PVT1: variants seen among roughly 807,000 people sequenced by gnomAD.
The protein encoded by PVT1 is CXCR4/PVT1 fusion.
Position 127,819,144 on chromosome 8 carries a change from C to T in PVT1, n.372+23073C>T, listed in dbSNP as rs563964539. Among the ~76,000 whole-genome samples the T allele has an allele frequency of 3.9e-5, 6 of 152,314 alleles. No individual in the cohort carries two copies. In the East Asian group the frequency reaches 5.8e-4, roughly 15 times the overall value. ...CTGGTACTGGGGCTATAGCAAAATC[C>T]GTGCTCGGTAAATCATCATTGAAGG... On this transcript the variant is annotated intron_variant and non_coding_transcript_variant, in intron 2 of 10. Coordinates refer to ENST00000651587, the Ensembl canonical transcript of PVT1.
intron 3 of PVT1, among the ~76,000 whole-genome samples, chr8:127,903,950 ACTT>A (rs1815790471): frequency 6.6e-6 from 1 of 152,196 alleles, no homozygotes; most frequent in East Asian, 1.9e-4. Context: ...AGTTTTTTCT[ACTT>A]CTGTGAAAAA....
At chr8:127,799,407 A>C (rs1171767130) in intron 2 of PVT1, among the ~76,000 whole-genome samples, 1 of 152,234 alleles carries the variant, frequency 6.6e-6, no homozygotes, top group Non-Finnish European at 1.5e-5. Context: ...AAAAATAATA[A>C]AATAAAAATT....
At chr8:128,074,324 G>C (rs1224256553) in intron 5 of PVT1, among the ~76,000 whole-genome samples, 1 of 151,834 alleles carries the variant, frequency 6.6e-6, no homozygotes, top group South Asian at 2.1e-4. Flanking sequence ...GGCCAATATG[G>C]TGATACCCTA....
At chr8:127,870,163 G>T (rs904915364) in intron 2 of PVT1, among the ~76,000 whole-genome samples, 3 of 152,156 alleles carry the variant, frequency 2.0e-5, no homozygotes, top group African/African-American at 7.2e-5. Flanking sequence ...TTAGGGTGGG[G>T]GCTAAAGCCA....
chr8:127,806,267 C>A (rs1814525710), intron 2 of PVT1, among the ~76,000 whole-genome samples: 1 of 152,078 alleles, frequency 6.6e-6, no homozygotes, highest in Non-Finnish European at 1.5e-5. Flanking sequence ...TCGAGACCAT[C>A]CTGGCCAACA....
rs188540605 is a variant in PVT1, at chr8:128,004,229, A to G, written n.912+14938A>G. ...CGCAACTACTGTATTTCATTGTACAATAAGATCCCCTTGACTCTTGTGAAT... is the reference window on the plus strand; with the variant it reads ...CGCAACTACTGTATTTCATTGTACAGTAAGATCCCCTTGACTCTTGTGAAT... On this transcript the variant is annotated intron_variant and non_coding_transcript_variant, in intron 4 of 10. Coordinates refer to ENST00000651587, the Ensembl canonical transcript of PVT1. Among the ~76,000 whole-genome samples the G allele has an allele frequency of 2.0e-3, 302 of 152,342 alleles. 2 individuals are homozygous for G. The highest frequency in any genetic ancestry group is 7.1e-3 in the African/African-American group (295 of 41,578).
intron 3 of PVT1, among the ~76,000 whole-genome samples, chr8:127,972,270 G>A (rs555651241): frequency 2.1e-4 from 32 of 152,366 alleles, no homozygotes; most frequent in Admixed American, 9.8e-4. Flanking sequence ...GGCCACTCCA[G>A]CCGGCCAGCT....
At chr8:127,839,768 G>A (rs1237709952) in intron 2 of PVT1, among the ~76,000 whole-genome samples, 4 of 152,026 alleles carry the variant, frequency 2.6e-5, no homozygotes, top group Non-Finnish European at 5.9e-5. Context: ...TAGGGAAGGT[G>A]TCAGAGAAGG....
At chr8:127,946,593 A>G (rs1816423591) in intron 3 of PVT1, 1 of 153,538 alleles carries the variant, frequency 6.5e-6, no homozygotes, top group Admixed American at 6.5e-5. Flanking sequence ...AGCACCTACT[A>G]TATGTGCTGG....
At chr8:127,804,663 C>G (rs940969891) in intron 2 of PVT1, among the ~76,000 whole-genome samples, 38 of 150,388 alleles carry the variant, frequency 2.5e-4, no homozygotes, top group African/African-American at 9.3e-4. Context: ...GCCTTGGCCT[C>G]CGAGTAGCTG....
At chr8:127,928,812 T>G (rs911536884) in intron 3 of PVT1, among the ~76,000 whole-genome samples, 3 of 152,190 alleles carry the variant, frequency 2.0e-5, no homozygotes, top group African/African-American at 7.2e-5. Context: ...GAGGCAGCCC[T>G]CCAAATACAG....
At chr8:127,921,845 T>G (rs532310228) in intron 3 of PVT1, among the ~76,000 whole-genome samples, 3 of 142,210 alleles carry the variant, frequency 2.1e-5, no homozygotes, top group Non-Finnish European at 4.5e-5. Context: ...ATTATAATTT[T>G]TGGTTCATGT....
At chr8:127,899,767 G>A (rs1335763832) in intron 3 of PVT1, among the ~76,000 whole-genome samples, 1 of 152,130 alleles carries the variant, frequency 6.6e-6, no homozygotes, top group Non-Finnish European at 1.5e-5. Flanking sequence ...CTGGTGGTCC[G>A]CCTCCCTCTT....
intron 5 of PVT1, among the ~76,000 whole-genome samples, chr8:128,083,424 C>G (rs997504720): frequency 1.3e-5 from 2 of 152,212 alleles, no homozygotes; most frequent in Non-Finnish European, 2.9e-5. Flanking sequence ...TACTGAGGCT[C>G]ATAGAGCATG....
chr8:128,003,241 TC>T (rs1343766008), intron 4 of PVT1, among the ~76,000 whole-genome samples: 1 of 125,938 alleles, frequency 7.9e-6, no homozygotes, highest in African/African-American at 3.1e-5. Context: ...CTTCCTTCCT[TC>T]CTTCTTTCCT....
intron 4 of PVT1, among the ~76,000 whole-genome samples, chr8:128,059,319 G>C (rs1478835399): frequency 1.3e-5 from 2 of 152,166 alleles, no homozygotes; most frequent in Non-Finnish European, 2.9e-5. Flanking sequence ...TGGCTGGGCA[G>C]GGCAGTTGAC....
intron 3 of PVT1, among the ~76,000 whole-genome samples, chr8:127,981,130 T>A (rs554876850): frequency 6.6e-6 from 1 of 151,536 alleles, no homozygotes; most frequent in East Asian, 1.9e-4. Flanking sequence ...ACTTAGCTTC[T>A]GTGTGTGTGT....
At chr8:127,984,873 CTTTCTTTCTTTCTTTCTT>C (rs1427047019) in intron 3 of PVT1, among the ~76,000 whole-genome samples, 3 of 83,130 alleles carry the variant, frequency 3.6e-5, no homozygotes, top group Non-Finnish European at 7.4e-5. Flanking sequence ...TTCTTTCTTT[CTTTCTTTCTTTCTTTCTT>C]TCTTTCTTTC....
At chr8:127,991,140 CTTTTTTTTTT>C (rs35494368) in intron 4 of PVT1, among the ~76,000 whole-genome samples, 1 of 73,100 alleles carries the variant, frequency 1.4e-5, no homozygotes, top group Non-Finnish European at 2.8e-5. Context: ...TCTTTTCTTT[CTTTTTTTTTT>C]TTTTTTTTTT....
Sources: gnomAD v4.1 joint callset for allele counts (sites outside exome capture counted in the v4.1 genomes callset) on GRCh38, gnomAD v4.1.1 for gene constraint, MANE v1.5 for transcripts, NCBI Gene and HGNC (gene_info 2026-07-23, HGNC 2026-07-21) for gene names.